NFATC1: variants seen among roughly 807,000 people sequenced by gnomAD.
NFATC1 encodes the protein nuclear factor of activated T-cells, cytoplasmic 1.
In NFATC1, 22 loss-of-function variants were observed where a neutral mutation model predicts 76.0. The observed-to-expected ratio is 0.29, with a 90% CI of 0.21 to 0.41. NFATC1 has a LOEUF of 0.41. Ranked by LOEUF, NFATC1 falls within the 10% of genes least tolerant of loss-of-function variation. NFATC1 has a pLI of 1.00. For synonymous variants in NFATC1, 704 were observed against 613.1 expected (o/e 1.15, Z -2.19); for missense variants, 1,357 against 1,337.7 (o/e 1.01, Z -0.23).
At chr18:79,508,336 G>A (rs984951178) in intron 9 of NFATC1, among the ~76,000 whole-genome samples, 26 of 152,276 alleles carry the variant, frequency 1.7e-4, no homozygotes, top group Non-Finnish European at 3.7e-4. Flanking sequence ...GTCGTCACCT[G>A]GCAGTTCGCT....
chr18:79,520,949 G>A (rs1315795678), intron 9 of NFATC1, among the ~76,000 whole-genome samples: 11 of 107,366 alleles, frequency 1.0e-4, no homozygotes, highest in African/African-American at 3.3e-4. Context: ...ATCCACTGAT[G>A]TGTGTGTCTG....
At chr18:79,430,450 T>TCGGCTCACTGCAGCCTC (rs2086552957) in intron 2 of NFATC1, among the ~76,000 whole-genome samples, 1 of 152,226 alleles carries the variant, frequency 6.6e-6, no homozygotes, top group African/African-American at 2.4e-5. Flanking sequence ...TGGTGCAATT[T>TCGGCTCACTGCAGCCTC]CGGCTCACTG....
At chr18:79,450,902 C>T (rs680802) in intron 4 of NFATC1, 52 bp from the exon 5 acceptor site, 1,573,746 of 1,575,814 alleles carry the variant, frequency 1, 785,849 homozygotes, top group East Asian at 1. Flanking sequence ...CAGGCCTTTA[C>T]GCTCCCGCGT....
At chr18:79,396,887 G>A (rs2148113172) in intron 1 of NFATC1, among the ~76,000 whole-genome samples, 1 of 151,912 alleles carries the variant, frequency 6.6e-6, no homozygotes, top group Admixed American at 6.5e-5. Context: ...GCCGGCTCCT[G>A]GACCTGCAGG....
At chr18:79,439,584 A>G (rs2086899715) in intron 3 of NFATC1, among the ~76,000 whole-genome samples, 1 of 152,238 alleles carries the variant, frequency 6.6e-6, no homozygotes, top group Admixed American at 6.5e-5. Context: ...TGCTAAGCGC[A>G]TAAACGCACA....
At chr18:79,424,021 C>G (rs2148257287) in intron 2 of NFATC1, among the ~76,000 whole-genome samples, 1 of 152,336 alleles carries the variant, frequency 6.6e-6, no homozygotes, top group South Asian at 2.1e-4. Flanking sequence ...CCGCCGAGCC[C>G]TCCCTCCACT....
At chr18:79,454,324 T>G (rs2087596334) in intron 6 of NFATC1, among the ~76,000 whole-genome samples, 2 of 152,218 alleles carry the variant, frequency 1.3e-5, no homozygotes, top group South Asian at 4.1e-4. Context: ...CCAGGCCAGC[T>G]CAGCCTCTGC....
chr18:79,429,443 A>G (rs2086512969), intron 2 of NFATC1, among the ~76,000 whole-genome samples: 1 of 151,868 alleles, frequency 6.6e-6, no homozygotes, highest in Non-Finnish European at 1.5e-5. Flanking sequence ...ATGAGTTTGA[A>G]GTTGTTGGAA....
chr18:79,520,282 C>G (rs370237727), intron 9 of NFATC1, among the ~76,000 whole-genome samples: 129 of 151,756 alleles, frequency 8.5e-4, no homozygotes, highest in African/African-American at 3.1e-3. Flanking sequence ...GTTGCTGCCT[C>G]TGCAGATGCC....
intron 9 of NFATC1, among the ~76,000 whole-genome samples, chr18:79,493,013 G>A (rs1322988308): frequency 6.8e-6 from 1 of 146,836 alleles, no homozygotes; most frequent in Non-Finnish European, 1.5e-5. Context: ...CAATGAGGTC[G>A]TCTTTGTTTC....
chr18:79,488,549 G>T (rs540536646), intron 9 of NFATC1, among the ~76,000 whole-genome samples: 11 of 152,244 alleles, frequency 7.2e-5, no homozygotes, highest in East Asian at 5.8e-4. Context: ...TGCAGATGTC[G>T]TCCTGAAGTT....
chr18:79,484,850 G>T lies in NFATC1; in HGVS notation c.2093-1398G>T, dbSNP rs115507957. ...TTCACGACCGCCGGGACCTGTGCGG[G>T]GGGGGAAGAGGGCGGCTGCAGGGGA... On this transcript the variant is annotated intron_variant, in intron 8 of 9. Transcript: ENST00000427363. Among the ~76,000 whole-genome samples the T allele has an allele frequency of 2.9e-3, 449 of 152,320 alleles. 10 individuals carry two copies. The highest frequency in any genetic ancestry group is 4.5e-3 in the African/African-American group (189 of 41,586).
intron 1 of NFATC1, among the ~76,000 whole-genome samples, chr18:79,398,798 G>T (rs894387505): frequency 1.3e-5 from 2 of 152,276 alleles, no homozygotes; most frequent in African/African-American, 4.8e-5. Flanking sequence ...GCCGGGCGCC[G>T]CGGCTCACGC....
At chr18:79,482,593 G>A (rs1349363479) in intron 8 of NFATC1, among the ~76,000 whole-genome samples, 8 of 140,322 alleles carry the variant, frequency 5.7e-5, no homozygotes, top group Non-Finnish European at 9.2e-5. Flanking sequence ...GTCCTGGGGT[G>A]TCATTCCAGC....
chr18:79,460,479 T>C (rs2088004234), intron 6 of NFATC1, among the ~76,000 whole-genome samples: 1 of 152,210 alleles, frequency 6.6e-6, no homozygotes, highest in Non-Finnish European at 1.5e-5. Context: ...GGGGCCGCCT[T>C]GTCCGTGTGC....
chr18:79,481,450 C>A (rs1287352502), intron 8 of NFATC1, among the ~76,000 whole-genome samples: 2 of 152,214 alleles, frequency 1.3e-5, no homozygotes, highest in Non-Finnish European at 2.9e-5. Flanking sequence ...GTAGGGTTTC[C>A]CAATCAACAT....
chr18:79,499,699 C>T (rs996917656), intron 9 of NFATC1, among the ~76,000 whole-genome samples: 3 of 151,876 alleles, frequency 2.0e-5, no homozygotes, highest in African/African-American at 7.3e-5. Context: ...AGATACTGTG[C>T]AATAGTAATC....
At chr18:79,466,158 T>C (rs1161894457) in intron 7 of NFATC1, among the ~76,000 whole-genome samples, 5 of 152,214 alleles carry the variant, frequency 3.3e-5, no homozygotes, top group Non-Finnish European at 7.4e-5. Flanking sequence ...TATTTGTAAA[T>C]GAAAGAGCCT....
chr18:79,494,063 G>A (rs2089787392), intron 9 of NFATC1, among the ~76,000 whole-genome samples: 1 of 152,230 alleles, frequency 6.6e-6, no homozygotes, highest in South Asian at 2.1e-4. Context: ...GGCCACCAGA[G>A]GCCGCGTCCA....
Sources: allele counts gnomAD v4.1 joint callset (sites outside exome capture counted in the v4.1 genomes callset), GRCh38; gene constraint gnomAD v4.1.1; transcripts MANE v1.5; gene names NCBI Gene and HGNC (gene_info 2026-07-23, HGNC 2026-07-21).